Variants in ADAMTSL3 observed in about 807,000 individuals in gnomAD.
ADAMTSL3 encodes ADAMTS-like protein 3.
Under a neutral mutation model 201.7 loss-of-function variants are expected in ADAMTSL3, and 128 were observed. That is an observed-to-expected ratio of 0.63 (90% CI 0.55 to 0.73). The LOEUF is 0.73. ADAMTSL3 is among the 30% of genes least tolerant of loss of function. The probability of loss-of-function intolerance (pLI) is 0.00; values close to 1 mark genes in which losing one functional copy is unlikely to be tolerated. For missense variants in ADAMTSL3, 1,990 were observed against 2,119.6 expected (o/e 0.94, Z 1.20); for synonymous variants, 738 against 748.4 (o/e 0.99, Z 0.23).
rs574456953 is a variant in ADAMTSL3 at position 83,718,794 on chromosome 15, T to C, written c.189+14286T>C. Among the ~76,000 whole-genome samples, 5 of 152,098 alleles carry C rather than the reference T, an allele frequency of 3.3e-5. No homozygotes were observed. In the East Asian group the frequency reaches 9.7e-4, roughly 29 times the overall value. The stretch of plus-strand genomic sequence containing the variant: ...TATGTTTATATCACTAAGTTAATAA[T>C]AATACTAAAATGCATTAGTCACTGT... On this transcript the variant is annotated intron_variant, in intron 3 of 29. Coordinates refer to ENST00000286744, the MANE Select transcript of ADAMTSL3 (RefSeq NM_207517.3).
At position 83,943,079 on chromosome 15, in the gene ADAMTSL3, G is replaced by A. The variant is rs746012941; in HGVS notation, c.2487G>A (p.Ser829=). 4 of 1,608,266 alleles carry A rather than the reference G, an allele frequency of 2.5e-6. No individual in the cohort carries two copies. Among genetic ancestry groups the A allele is most frequent in the South Asian group, 1.1e-5 (1 of 90,004 alleles). The change falls in exon 19 of 30, where the codon TCG becomes TCA. Residue 829 remains serine, a synonymous_variant. Transcript: ENST00000286744. ...CPPHLAVGDW[S]KCSVSCGVGI... is the part of the protein sequence containing the mutation. The stretch of plus-strand genomic sequence containing the variant: ...CACATTTAGCTGTGGGAGACTGGTC[G>A]AAGGTAAGGGCCAGGCTCAACTTTA...
intron 3 of ADAMTSL3, among the ~76,000 whole-genome samples, chr15:83,735,764 A>G (rs1033260659): frequency 3.3e-5 from 5 of 151,960 alleles, no homozygotes; most frequent in Non-Finnish European, 5.9e-5. Context: ...TTGGATTTGG[A>G]TATCCATTAA....
At chr15:83,939,733 T>C (rs572562822) in intron 17 of ADAMTSL3, among the ~76,000 whole-genome samples, 1 of 152,024 alleles carries the variant, frequency 6.6e-6, no homozygotes, top group African/African-American at 2.4e-5. Context: ...CCAGTTCTCA[T>C]GCCTCAGCCT....
intron 2 of ADAMTSL3, among the ~76,000 whole-genome samples, chr15:83,696,796 T>C (rs1567079707): frequency 6.6e-6 from 1 of 152,198 alleles, no homozygotes; most frequent in Non-Finnish European, 1.5e-5. Flanking sequence ...AAATTTGGGC[T>C]GACGTGAAGC....
intron 27 of ADAMTSL3, 150 bp from the exon 28 acceptor site, chr15:84,031,185 C>T: frequency 1.4e-6 from 1 of 734,810 alleles, no homozygotes; most frequent in Middle Eastern, 4.0e-4. Flanking sequence ...CAGAGCTGTA[C>T]CCTAATCCTC....
At chr15:83,974,467 A>G (rs1299071894) in intron 20 of ADAMTSL3, among the ~76,000 whole-genome samples, 2 of 152,136 alleles carry the variant, frequency 1.3e-5, no homozygotes, top group Non-Finnish European at 2.9e-5. Context: ...TTTTTATCTC[A>G]TTTCTATTAT....
intron 3 of ADAMTSL3, among the ~76,000 whole-genome samples, chr15:83,714,310 G>C (rs7165624): frequency 0.23 from 34,668 of 152,086 alleles, 4,892 homozygotes; most frequent in East Asian, 0.41. Flanking sequence ...CCAAGGGCAA[G>C]TGGGGGCACA....
At chr15:84,027,214 AAG>A (rs1332130534) in intron 27 of ADAMTSL3, among the ~76,000 whole-genome samples, 2 of 152,240 alleles carry the variant, frequency 1.3e-5, no homozygotes, top group Non-Finnish European at 2.9e-5. Flanking sequence ...GCATTAGTGA[AAG>A]AGATAGTGAC....
At chr15:83,766,424 A>G (rs2062892377) in intron 3 of ADAMTSL3, among the ~76,000 whole-genome samples, 1 of 152,254 alleles carries the variant, frequency 6.6e-6, no homozygotes, top group African/African-American at 2.4e-5. Flanking sequence ...AAGAAGCTAG[A>G]TAAAATGAAA....
intron 6 of ADAMTSL3, among the ~76,000 whole-genome samples, chr15:83,821,487 G>T (rs1454583024): frequency 1.3e-5 from 2 of 151,372 alleles, no homozygotes; most frequent in Non-Finnish European, 2.9e-5. Context: ...AACAAAGCAC[G>T]TCTTGCACCG....
chr15:83,758,016 A>T (rs989879697), intron 3 of ADAMTSL3, among the ~76,000 whole-genome samples: 1 of 152,168 alleles, frequency 6.6e-6, no homozygotes, highest in Non-Finnish European at 1.5e-5. Context: ...AAGCCATTCA[A>T]CAAGTCTCTA....
At chr15:83,736,202 G>A (rs2585066) in intron 3 of ADAMTSL3, among the ~76,000 whole-genome samples, 30,331 of 152,002 alleles carry the variant, frequency 0.2, 3,964 homozygotes, top group Middle Eastern at 0.36. Flanking sequence ...CTGGCCTTTG[G>A]CCCCTTTCCA....
chr15:83,801,688 A>ATG (rs1567154234), intron 4 of ADAMTSL3, among the ~76,000 whole-genome samples: 7 of 82,078 alleles, frequency 8.5e-5, no homozygotes, highest in African/African-American at 1.7e-4. Context: ...ATATATATAT[A>ATG]TATATATGTA....
intron 19 of ADAMTSL3, chr15:83,962,730 A>G (rs2066996928): frequency 6.6e-6 from 1 of 152,194 alleles, no homozygotes; most frequent in African/African-American, 2.4e-5. Flanking sequence ...GGCTGGCAAG[A>G]TGGCCAAATA....
intron 16 of ADAMTSL3, among the ~76,000 whole-genome samples, chr15:83,917,430 T>TGTAC (rs2066054814): frequency 6.6e-6 from 1 of 151,542 alleles, no homozygotes; most frequent in Non-Finnish European, 1.5e-5. Flanking sequence ...TATGTATGTA[T>TGTAC]GTATGTATGT....
At chr15:83,836,453 T>C (rs2064270343) in intron 6 of ADAMTSL3, among the ~76,000 whole-genome samples, 1 of 152,184 alleles carries the variant, frequency 6.6e-6, no homozygotes, top group African/African-American at 2.4e-5. Flanking sequence ...AATTTTCACT[T>C]GATCTTTCTC....
At chr15:83,792,532 C>G (rs2063359747) in intron 4 of ADAMTSL3, among the ~76,000 whole-genome samples, 1 of 152,092 alleles carries the variant, frequency 6.6e-6, no homozygotes, top group African/African-American at 2.4e-5. Context: ...GCCTGTAATC[C>G]CAGCACTTTG....
At chr15:83,840,222 A>G (rs1048526533) in intron 7 of ADAMTSL3, among the ~76,000 whole-genome samples, 1 of 152,212 alleles carries the variant, frequency 6.6e-6, no homozygotes, top group African/African-American at 2.4e-5. Flanking sequence ...GAGCAGTACC[A>G]TGGACCCCAA....
intron 3 of ADAMTSL3, among the ~76,000 whole-genome samples, chr15:83,741,842 T>C (rs2062460043): frequency 6.6e-6 from 1 of 151,950 alleles, no homozygotes; most frequent in South Asian, 2.1e-4. Flanking sequence ...ACAAACAAAA[T>C]CAAAAATTAG....
Sources: gnomAD v4.1 joint callset for allele counts (sites outside exome capture counted in the v4.1 genomes callset) on GRCh38, gnomAD v4.1.1 for gene constraint, MANE v1.5 for transcripts, NCBI Gene and HGNC (gene_info 2026-07-23, HGNC 2026-07-21) for gene names.